Variants in LRRK2 observed in about 807,000 individuals in gnomAD.
The protein encoded by LRRK2 is leucine-rich repeat serine/threonine-protein kinase 2.
Under a neutral mutation model 302.6 loss-of-function variants are expected in LRRK2, and 203 were observed. The observed-to-expected ratio is 0.67, with a 90% CI of 0.60 to 0.75. The LOEUF is 0.75. Among genes scored for constraint, LRRK2 ranks in the 30% least tolerant of loss-of-function variants. The probability of loss-of-function intolerance (pLI) is 0.00; values close to 1 mark genes in which losing one functional copy is unlikely to be tolerated. For missense variants in LRRK2, 2,830 were observed against 2,951.0 expected, an observed-to-expected ratio of 0.96 and a Z score of 0.95; for synonymous variants, 1,066 against 1,031.9, an observed-to-expected ratio of 1.03 and a Z score of -0.63.
intron 31 of LRRK2, chr12:40,312,783 C>A (rs1654430112): frequency 6.6e-6 from 1 of 151,898 alleles, no homozygotes. Flanking sequence ...GATTTGCTTT[C>A]TTTGAGAACT....
intron 8 of LRRK2, among the ~76,000 whole-genome samples, chr12:40,251,002 G>GTT (rs575085073): frequency 1.5e-4 from 21 of 137,578 alleles, no homozygotes; most frequent in East Asian, 6.3e-4. Context: ...CGTCTATTAG[G>GTT]TTTTTTTTTT....
intron 16 of LRRK2, 138 bp downstream of exon 16, chr12:40,275,131 A>T (rs1455382356): frequency 1.0e-6 from 1 of 955,484 alleles, no homozygotes; most frequent in African/African-American, 1.6e-5. Flanking sequence ...TATTTTAATT[A>T]TACAAGCAAA....
chr12:40,340,496 G>A (rs1946006921), intron 41 of LRRK2, 42 bp downstream of exon 41: 1 of 1,600,304 alleles, frequency 6.2e-7, no homozygotes, highest in South Asian at 1.1e-5. Context: ...CTTCAGGATG[G>A]ATAACCACTG....
chr12:40,273,237 T>C (rs908341901), intron 14 of LRRK2, among the ~76,000 whole-genome samples: 2 of 152,192 alleles, frequency 1.3e-5, no homozygotes, highest in African/African-American at 4.8e-5. Context: ...GAGTAATTGT[T>C]ACTTCATTCA....
chr12:40,367,141 T>C (rs36223902), intron 50 of LRRK2, 64 bp downstream of exon 50: 21 of 1,257,874 alleles, frequency 1.7e-5, no homozygotes, highest in Non-Finnish European at 2.3e-5. Flanking sequence ...TAACATATTA[T>C]GTGTTTCATA....
At chr12:40,278,404 A>G in intron 18 of LRRK2, 143 bp downstream of exon 18, 1 of 1,028,700 alleles carries the variant, frequency 9.7e-7, no homozygotes, top group Non-Finnish European at 1.5e-6. Context: ...TGTGTCTTGT[A>G]GTAGATTTAT....
At chr12:40,341,589 C>T (rs1216217701) in intron 41 of LRRK2, among the ~76,000 whole-genome samples, 1 of 152,098 alleles carries the variant, frequency 6.6e-6, no homozygotes, top group Non-Finnish European at 1.5e-5. Flanking sequence ...ACCTGCTGTG[C>T]GTCAGGCCCA....
rs532316615 is a variant in LRRK2 at position 40,281,470 on chromosome 12, C to G, written c.2242-2405C>G. Among the ~76,000 whole-genome samples the G allele has an allele frequency of 7.9e-5, 12 of 152,282 alleles. No individual in the cohort carries two copies. The South Asian group carries it at 2.5e-3, about 32-fold the overall frequency. On this transcript the variant is annotated intron_variant, in intron 18 of 50. Transcript: ENST00000298910. ...CTGCATTTATTATAAATTAGATGAT[C>G]AGAGAAAGATTGCAGGGATAAGAAA... is the stretch of plus-strand genomic sequence containing the variant.
chr12:40,270,055 A>T (rs1214713666), intron 14 of LRRK2, among the ~76,000 whole-genome samples: 1 of 152,208 alleles, frequency 6.6e-6, no homozygotes, highest in Non-Finnish European at 1.5e-5. Context: ...AAATGGAGAT[A>T]ATAACTGATT....
chr12:40,292,520 TA>T (rs1944200182), intron 20 of LRRK2, among the ~76,000 whole-genome samples: 1 of 151,722 alleles, frequency 6.6e-6, no homozygotes, highest in Admixed American at 6.6e-5. Flanking sequence ...GATAATTTAA[TA>T]ATCTTTATAA....
At chr12:40,275,808 A>G (rs895125480) in intron 16 of LRRK2, among the ~76,000 whole-genome samples, 4 of 151,916 alleles carry the variant, frequency 2.6e-5, no homozygotes, top group East Asian at 1.9e-4. Flanking sequence ...ATGAGGTTTC[A>G]CCATATTTCC....
chr12:40,276,357 G>A (rs184731065), intron 16 of LRRK2, among the ~76,000 whole-genome samples: 16 of 151,940 alleles, frequency 1.1e-4, no homozygotes, highest in African/African-American at 2.2e-4. Context: ...GTGCAGTGGC[G>A]CAGTCTCAGC....
chr12:40,265,259 A>G (rs1375976724), intron 14 of LRRK2, among the ~76,000 whole-genome samples: 1 of 152,188 alleles, frequency 6.6e-6, no homozygotes, highest in Non-Finnish European at 1.5e-5. Flanking sequence ...ATAAATAAAT[A>G]TGCTTTGTAC....
chr12:40,234,197 G>A (rs755489370), intron 3 of LRRK2, among the ~76,000 whole-genome samples: 51 of 151,952 alleles, frequency 3.4e-4, no homozygotes, highest in Non-Finnish European at 4.6e-4. Context: ...ATTATGCAAC[G>A]TTTCTTGAAT....
chr12:40,343,342 G>C (rs1420204749), intron 41 of LRRK2, among the ~76,000 whole-genome samples: 1 of 152,190 alleles, frequency 6.6e-6, no homozygotes, highest in African/African-American at 2.4e-5. Flanking sequence ...TTTTGACTGA[G>C]ATGAATGCTG....
Position 40,354,433 on chromosome 12 carries a change from C to G in LRRK2, c.6711C>G (p.Thr2237=). Residue 2237 remains threonine, a synonymous_variant, in exon 45 of 51, where the codon ACC becomes ACG. Transcript: ENST00000298910. ...INTEDGKKRH[T]LEKMTDSVTC... ...CCGAAGATGGGAAAAAGAGACATAC[C>G]CTAGAAAAGATGACTGATTCTGTCA... The G allele has an allele frequency of 1.2e-6, 2 of 1,614,022 alleles. No individual in the cohort carries two copies. Among genetic ancestry groups the G allele is most frequent in the Non-Finnish European group, 1.7e-6 (2 of 1,179,972 alleles).
chr12:40,303,148 A>T (rs1380108313), intron 26 of LRRK2, among the ~76,000 whole-genome samples: 1 of 152,130 alleles, frequency 6.6e-6, no homozygotes, highest in Admixed American at 6.5e-5. Context: ...AAATGAGATT[A>T]TACTGGCTAT....
chr12:40,236,602 G>T (rs558398823), intron 4 of LRRK2, among the ~76,000 whole-genome samples: 12 of 152,258 alleles, frequency 7.9e-5, no homozygotes, highest in African/African-American at 2.9e-4. Flanking sequence ...GGCTTTTTAG[G>T]TTGAGAGAAG....
chr12:40,315,772 A>G (rs944219102), intron 33 of LRRK2, among the ~76,000 whole-genome samples: 3 of 150,356 alleles, frequency 2.0e-5, no homozygotes, highest in African/African-American at 7.4e-5. Context: ...CCTTGGTTAT[A>G]GCTATTTTTT....
Sources: allele counts gnomAD v4.1 joint callset (sites outside exome capture counted in the v4.1 genomes callset), GRCh38; gene constraint gnomAD v4.1.1; transcripts MANE v1.5; gene names NCBI Gene and HGNC (gene_info 2026-07-23, HGNC 2026-07-21).